FAM50A: variants seen among roughly 807,000 people sequenced by gnomAD.
FAM50A encodes the protein protein FAM50A.
A neutral mutation model predicts 35.5 loss-of-function variants in FAM50A; 6 were observed. The ratio of observed to expected loss-of-function variants is 0.17; its 90% CI spans 0.09 to 0.33. The LOEUF (loss-of-function observed/expected upper bound fraction) is 0.33, where lower values mean the gene tolerates loss of function less well. Ranked by LOEUF, FAM50A falls within the 10% of genes least tolerant of loss-of-function variation. The pLI is 1.00. For synonymous variants in FAM50A, 120 were observed against 110.9 expected, an observed-to-expected ratio of 1.08 and a Z score of -0.52; for missense variants, 145 against 295.5, an observed-to-expected ratio of 0.49 and a Z score of 3.73.
Position 154,448,971 on chromosome X carries a change from C to T in FAM50A, c.648+17C>T. On this transcript the variant is annotated intron_variant, in intron 7 of 12. Transcript: ENST00000393600. ...ACAGTCAAGGTAGGCAGCGTGCAGC[C>T]TGCTTCCTGCTCACCATGGGCCCAG... 1 of 1,190,872 alleles carries T rather than the reference C, an allele frequency of 8.4e-7. No homozygotes were observed. The highest frequency in any genetic ancestry group is 1.1e-6 in the Non-Finnish European group (1 of 878,366).
intron 4 of FAM50A, among the ~76,000 whole-genome samples, chrX:154,446,899 A>G (rs2068784811): frequency 8.9e-6 from 1 of 112,613 alleles, no homozygotes; most frequent in African/African-American, 3.2e-5. Context: ...TACTAGTCAG[A>G]CACTGCAGGT....
chrX:154,445,816 C>T lies in FAM50A; in HGVS notation c.201C>T (p.Leu67=), dbSNP rs1319716013. The T allele has an allele frequency of 4.1e-6, 5 of 1,207,960 alleles. No individual in the cohort carries two copies. The highest frequency in any genetic ancestry group is 1.7e-5 in the African/African-American group (1 of 57,244). The stretch of plus-strand genomic sequence containing the variant: ...TTGTGCCTCCTTGCTTCAAAGGTCT[C>T]GTGACCCTGAATGACATGAAGGCCA... ...EAELKSSTVG[L]VTLNDMKAKQ... Residue 67 remains leucine (L), a synonymous_variant, in exon 3 of 13, where the codon CTC becomes CTT. Coordinates refer to ENST00000393600, the MANE Select transcript of FAM50A (RefSeq NM_004699.4).
chrX:154,444,340 C>A lies in FAM50A; in HGVS notation c.105C>A (p.Ile35=), dbSNP rs1557199541. ...REQMEQMKQR[I]AEENIMKSNI... ...AGATGGAGCAGATGAAGCAGCGCATCGCGGAGGTGCGAGCCGGGGAGCCTC... is the reference window on the plus strand; with the variant it reads ...AGATGGAGCAGATGAAGCAGCGCATAGCGGAGGTGCGAGCCGGGGAGCCTC... Residue 35 remains isoleucine, a synonymous_variant, in exon 1 of 13, where the codon ATC becomes ATA. Coordinates refer to ENST00000393600, the MANE Select transcript of FAM50A (RefSeq NM_004699.4). The A allele has an allele frequency of 5.5e-6, 6 of 1,086,612 alleles. No homozygotes were observed. The East Asian group carries it at 1.6e-4, about 29-fold the overall frequency. 89.5% of individuals were successfully genotyped at this position (1,086,612 alleles called of 1,213,427 possible).
In FAM50A at chrX:154,449,672, C is replaced by T. The variant is rs1557200287; in HGVS notation, c.726-9C>T. On this transcript the variant is annotated splice_polypyrimidine_tract_variant and intron_variant, in intron 8 of 12. Transcript: ENST00000393600. ...CTCTTGCCCACGCCCTCCTGCCTTC[C>T]TCCCTCAGGTCCGCAGGGGTGGAGC... The T allele has an allele frequency of 3.3e-6, 4 of 1,208,818 alleles. No individual in the cohort carries two copies. The highest frequency in any genetic ancestry group is 4.5e-6 in the Non-Finnish European group (4 of 892,868).
intron 3 of FAM50A, 85 bp downstream of exon 3, chrX:154,445,996 G>A: frequency 1.4e-6 from 1 of 705,182 alleles, no homozygotes; most frequent in Non-Finnish European, 2.2e-6. Context: ...CACCCTGGGG[G>A]GGACCCTGTC....
chrX:154,444,374 C>A, intron 1 of FAM50A, 28 bp downstream of exon 1: 1 of 884,851 alleles, frequency 1.1e-6, no homozygotes, highest in East Asian at 5.1e-5. Context: ...TCGGAGCATG[C>A]GCGCTGCCCA....
chrX:154,448,427 C>T, intron 4 of FAM50A, 57 bp from the exon 5 acceptor site: 1 of 1,042,136 alleles, frequency 9.6e-7, no homozygotes, highest in Middle Eastern at 2.5e-4. Flanking sequence ...TGGGCGTCGG[C>T]CATATCAAAA....
chrX:154,446,093 C>T (rs2068781572), intron 3 of FAM50A, among the ~76,000 whole-genome samples, 182 bp downstream of exon 3: 1 of 112,488 alleles, frequency 8.9e-6, no homozygotes, highest in Non-Finnish European at 1.9e-5. Context: ...GTCTTTTCAC[C>T]ATGGCGGCTT....
Position 154,444,211 on chromosome X carries a change from CGCCGCCGCCGCCGCCGCCGCT to C in FAM50A, c.-21_-1del. The C allele has an allele frequency of 1.3e-6, 1 of 752,031 alleles. No homozygotes were observed. The highest frequency in any genetic ancestry group is 1.6e-6 in the Non-Finnish European group (1 of 611,964). The allele number at this position is 752,031 out of a possible 1,213,427, so 62.0% of individuals were successfully genotyped here. ...TGTCGCCGCCGCCGCCGCCCGCCGC[CGCCGCCGCCGCCGCCGCCGCT>C]GCCATGGCTCAATACAAGGGCGCCG... On this transcript the variant is annotated 5_prime_UTR_variant, in exon 1 of 13. Coordinates refer to ENST00000393600, the MANE Select transcript of FAM50A (RefSeq NM_004699.4).
At chrX:154,449,099 T>A (rs1471730025) in intron 7 of FAM50A, 122 bp from the exon 8 acceptor site, 2 of 868,971 alleles carry the variant, frequency 2.3e-6, no homozygotes, top group Non-Finnish European at 3.3e-6. Context: ...GTCTGGGGAG[T>A]GAGGCCCAGG....
In FAM50A at chrX:154,445,628, C is replaced by T. The variant is rs782688264; in HGVS notation, c.112-5C>T. On this transcript the variant is annotated splice_polypyrimidine_tract_variant and splice_region_variant and intron_variant, in intron 1 of 12. Transcript: ENST00000393600. ...GGTTCTCATGGTGGCTGTCACTCCC[C>T]GCAGGAGAACATCATGAAATCCAAC... The T allele has an allele frequency of 2.4e-5, 29 of 1,201,303 alleles. 1 individual carries two copies. The East Asian group carries it at 5.6e-4, about 23-fold the overall frequency.
chrX:154,448,615 T>G, intron 5 of FAM50A, 55 bp downstream of exon 5: 1 of 1,185,491 alleles, frequency 8.4e-7, no homozygotes, highest in Non-Finnish European at 1.1e-6. Context: ...GTGGAGACCC[T>G]TGCTTAGGGA....
At chrX:154,449,143 C>G in intron 7 of FAM50A, 78 bp from the exon 8 acceptor site, 2 of 979,177 alleles carry the variant, frequency 2.0e-6, no homozygotes, top group Non-Finnish European at 2.9e-6. Context: ...TGGCAGGGCC[C>G]TCTGGGCCTC....
At chrX:154,449,857 G>A (rs782819607) in intron 9 of FAM50A, 26 bp from the exon 10 acceptor site, 58 of 1,207,726 alleles carry the variant, frequency 4.8e-5, no homozygotes, top group Non-Finnish European at 5.7e-5. Context: ...CCATCAAGAC[G>A]CCGCTTTCCT....
intron 3 of FAM50A, 171 bp from the exon 4 acceptor site, chrX:154,446,244 C>T: frequency 2.1e-6 from 1 of 486,407 alleles, no homozygotes; most frequent in Non-Finnish European, 3.6e-6. Flanking sequence ...AGAGCCCTCG[C>T]CCATGAGCTC....
intron 11 of FAM50A, 22 bp downstream of exon 11, chrX:154,450,121 G>C (rs782149905): frequency 1.7e-6 from 2 of 1,206,086 alleles, no homozygotes; most frequent in South Asian, 3.5e-5. Context: ...GGGGCCGTGT[G>C]AGGGGGAACG....
intron 7 of FAM50A, 102 bp downstream of exon 7, chrX:154,449,056 C>A: frequency 1.1e-6 from 1 of 927,024 alleles, no homozygotes; most frequent in Non-Finnish European, 1.5e-6. Flanking sequence ...CCCAGGGATC[C>A]TGAGGATAAC....
At chrX:154,448,072 C>CTTTTTTTTTTTTTTTTTTTTTTTTTTT (rs781847663) in intron 4 of FAM50A, among the ~76,000 whole-genome samples, 9 of 82,850 alleles carry the variant, frequency 1.1e-4, no homozygotes, top group African/African-American at 2.8e-4. Context: ...TTTTTTCTTT[C>CTTTTTTTTTTTTTTTTTTTTTTTTTTT]TTTTTTTTTT....
At chrX:154,449,856 C>T (rs374274625) in intron 9 of FAM50A, 27 bp from the exon 10 acceptor site, 31 of 1,209,209 alleles carry the variant, frequency 2.6e-5, no homozygotes, top group South Asian at 1.2e-4. Context: ...ACCATCAAGA[C>T]GCCGCTTTCC....
Sources: allele counts gnomAD v4.1 joint callset (sites outside exome capture counted in the v4.1 genomes callset), GRCh38; gene constraint gnomAD v4.1.1; transcripts MANE v1.5; gene names NCBI Gene and HGNC (gene_info 2026-07-23, HGNC 2026-07-21).